Variants in TMEM132C observed in about 807,000 individuals in gnomAD.
TMEM132C encodes the protein protein phosphatase 1, regulatory subunit 152.
In TMEM132C, 29 loss-of-function variants were observed where a neutral mutation model predicts 61.4. The observed-to-expected ratio is 0.47, with a 90% CI of 0.35 to 0.64. The LOEUF (loss-of-function observed/expected upper bound fraction) is 0.64, where lower values mean the gene tolerates loss of function less well. Ranked by LOEUF, TMEM132C falls within the 30% of genes least tolerant of loss-of-function variation. The pLI is 0.00. For synonymous variants in TMEM132C, 656 were observed against 633.1 expected (o/e 1.04, Z -0.54); for missense variants, 1,408 against 1,476.9 (o/e 0.95, Z 0.76).
intron 2 of TMEM132C, among the ~76,000 whole-genome samples, chr12:128,448,602 G>A (rs914599040): frequency 2.0e-5 from 3 of 152,040 alleles, no homozygotes; most frequent in Non-Finnish European, 2.9e-5. Context: ...ACCTTCTTTC[G>A]GCCACAACAA....
intron 1 of TMEM132C, among the ~76,000 whole-genome samples, chr12:128,408,490 T>C (rs1868395789): frequency 6.6e-6 from 1 of 152,138 alleles, no homozygotes; most frequent in African/African-American, 2.4e-5. Context: ...GTCCCTACAC[T>C]TCAAGATTTA....
intron 1 of TMEM132C, among the ~76,000 whole-genome samples, chr12:128,304,110 T>G (rs1871681816): frequency 6.6e-6 from 1 of 152,180 alleles, no homozygotes; most frequent in Non-Finnish European, 1.5e-5. Flanking sequence ...CTGATACCCT[T>G]CATGTTACAC....
chr12:128,360,244 C>T (rs11610057), intron 1 of TMEM132C, among the ~76,000 whole-genome samples: 8 of 66,656 alleles, frequency 1.2e-4, no homozygotes, highest in African/African-American at 2.5e-4. Flanking sequence ...TGATAAAGGA[C>T]GACACACACA....
intron 1 of TMEM132C, among the ~76,000 whole-genome samples, chr12:128,303,042 G>T (rs1871646728): frequency 6.6e-6 from 1 of 152,128 alleles, no homozygotes; most frequent in African/African-American, 2.4e-5. Context: ...AATCAGTGAT[G>T]GGGAAAATCA....
chr12:128,350,196 G>A (rs78782316), intron 1 of TMEM132C, among the ~76,000 whole-genome samples: 1,547 of 152,238 alleles, frequency 0.01, 28 homozygotes, highest in African/African-American at 0.035. Flanking sequence ...TTGATGAAAC[G>A]TCTATTTTTT....
intron 2 of TMEM132C, among the ~76,000 whole-genome samples, chr12:128,478,501 A>G (rs1593067887): frequency 6.6e-6 from 1 of 151,996 alleles, no homozygotes; most frequent in Non-Finnish European, 1.5e-5. Flanking sequence ...CATTGGCTGG[A>G]CTCTTATCCC....
intron 1 of TMEM132C, among the ~76,000 whole-genome samples, chr12:128,382,821 T>C (rs1874445195): frequency 6.6e-6 from 1 of 152,174 alleles, no homozygotes; most frequent in African/African-American, 2.4e-5. Context: ...TGTTTCTGAG[T>C]GTTATGTGGT....
At chr12:128,414,004 A>G (rs543640581) in intron 1 of TMEM132C, among the ~76,000 whole-genome samples, 1 of 152,272 alleles carries the variant, frequency 6.6e-6, no homozygotes, top group South Asian at 2.1e-4. Context: ...TTGCTGATCC[A>G]TTTGAAGTTT....
chr12:128,547,962 ACATGACCGCTCACCCCTGTTGATCCCC>A (rs1461232208), intron 3 of TMEM132C, among the ~76,000 whole-genome samples: 19 of 152,178 alleles, frequency 1.2e-4, no homozygotes, highest in South Asian at 2.1e-4. Context: ...CCCTTTGCCC[ACATGACCGCTCACCCCTGTTGATCCCC>A]CATGACCACT....
intron 5 of TMEM132C, among the ~76,000 whole-genome samples, chr12:128,689,332 A>T (rs1315975872): frequency 6.6e-6 from 1 of 152,228 alleles, no homozygotes; most frequent in Non-Finnish European, 1.5e-5. Flanking sequence ...TTTGAAATGT[A>T]CAATATGCTA....
chr12:128,340,191 G>T (rs531111104), intron 1 of TMEM132C, among the ~76,000 whole-genome samples: 10 of 152,152 alleles, frequency 6.6e-5, no homozygotes, highest in African/African-American at 2.2e-4. Flanking sequence ...TGGGAACATG[G>T]TAGTCTTAAC....
intron 3 of TMEM132C, among the ~76,000 whole-genome samples, chr12:128,606,591 C>T (rs1037003019): frequency 1.3e-5 from 2 of 152,218 alleles, no homozygotes; most frequent in African/African-American, 2.4e-5. Context: ...CCCAGACTTC[C>T]ACCTGGCTGT....
chr12:128,382,677 A>G (rs1166337715), intron 1 of TMEM132C, among the ~76,000 whole-genome samples: 1 of 152,210 alleles, frequency 6.6e-6, no homozygotes, highest in Non-Finnish European at 1.5e-5. Context: ...TCTTGTTTCT[A>G]GAGTCTTCCT....
chr12:128,277,253 G>C (rs1350696810), intron 1 of TMEM132C, among the ~76,000 whole-genome samples: 1 of 152,174 alleles, frequency 6.6e-6, no homozygotes, highest in Non-Finnish European at 1.5e-5. Flanking sequence ...GCAAAGTCCA[G>C]ATAGACTTCA....
At chr12:128,437,150 G>T (rs1304854724) in intron 2 of TMEM132C, among the ~76,000 whole-genome samples, 2 of 152,146 alleles carry the variant, frequency 1.3e-5, no homozygotes, top group African/African-American at 4.8e-5. Flanking sequence ...ATGTCATGTG[G>T]TGGGGGGCTG....
chr12:128,340,328 C>T (rs1439125222), intron 1 of TMEM132C, among the ~76,000 whole-genome samples: 3 of 152,146 alleles, frequency 2.0e-5, no homozygotes, highest in Non-Finnish European at 4.4e-5. Flanking sequence ...TGCTTGAATA[C>T]TCTATCGGTG....
intron 1 of TMEM132C, among the ~76,000 whole-genome samples, chr12:128,276,206 A>G (rs894646812): frequency 2.0e-5 from 3 of 152,248 alleles, no homozygotes; most frequent in Non-Finnish European, 2.9e-5. Flanking sequence ...GACTTGGCAT[A>G]TAGTAAAGTT....
At chr12:128,562,753 T>C (rs559408263) in intron 3 of TMEM132C, among the ~76,000 whole-genome samples, 13 of 151,966 alleles carry the variant, frequency 8.6e-5, no homozygotes, top group African/African-American at 1.7e-4. Flanking sequence ...TGGGTGTAGA[T>C]TGAGTAGGAT....
At chr12:128,328,740 TC>T (rs1228154398) in intron 1 of TMEM132C, among the ~76,000 whole-genome samples, 1 of 136,420 alleles carries the variant, frequency 7.3e-6, no homozygotes, top group East Asian at 2.1e-4. Context: ...TGAGCTGAGA[TC>T]GCACCACTGC....
Sources: allele counts gnomAD v4.1 joint callset (sites outside exome capture counted in the v4.1 genomes callset), GRCh38; gene constraint gnomAD v4.1.1; transcripts MANE v1.5; gene names NCBI Gene and HGNC (gene_info 2026-07-23, HGNC 2026-07-21).